The following TNFRSF11A variants were observed in gnomAD, a reference collection of about 807,000 sequenced individuals.
The protein encoded by TNFRSF11A is tumor necrosis factor receptor superfamily member 11A.
A neutral mutation model predicts 55.7 loss-of-function variants in TNFRSF11A; 32 were observed. That is an observed-to-expected ratio of 0.57 (90% CI 0.43 to 0.77). The LOEUF (loss-of-function observed/expected upper bound fraction) is 0.77, where lower values mean the gene tolerates loss of function less well. Ranked by LOEUF, TNFRSF11A falls within the 30% of genes least tolerant of loss-of-function variation. The pLI is 0.00. For missense variants in TNFRSF11A, 753 were observed against 809.8 expected (o/e 0.93, Z 0.85); for synonymous variants, 311 against 331.0 (o/e 0.94, Z 0.65).
intron 1 of TNFRSF11A, among the ~76,000 whole-genome samples, chr18:62,344,148 T>A (rs1159784276): frequency 6.6e-6 from 1 of 152,146 alleles, no homozygotes; most frequent in Admixed American, 6.6e-5. Context: ...GTAACATGGG[T>A]TACCTGTGCA....
At chr18:62,369,619 C>A in intron 9 of TNFRSF11A, 135 bp downstream of exon 9, 1 of 1,143,410 alleles carries the variant, frequency 8.7e-7, no homozygotes, top group Non-Finnish European at 1.3e-6. Context: ...TCTTAATAAG[C>A]ATTTTTACAG....
rs929106493 is a variant in TNFRSF11A, at chr18:62,387,527, G to T, written c.*2493G>T. ...TAATCTTTATGGTATGGTGTCAACC[G>T]TTCATTTGTATCTTATTGCTCATTC... is the stretch of plus-strand genomic sequence containing the variant. On this transcript the variant is annotated 3_prime_UTR_variant, in exon 10 of 10. Coordinates refer to ENST00000586569, the MANE Select transcript of TNFRSF11A (RefSeq NM_003839.4). The T allele has an allele frequency of 1.3e-5, 2 of 152,108 alleles. No homozygotes were observed. Among genetic ancestry groups the T allele is most frequent in the Non-Finnish European group, 2.9e-5 (2 of 68,028 alleles). The allele number at this position is 152,108 out of a possible 1,614,324, so 9.4% of individuals were successfully genotyped here.
intron 7 of TNFRSF11A, among the ~76,000 whole-genome samples, chr18:62,364,480 G>C (rs1909931774): frequency 6.6e-6 from 1 of 152,178 alleles, no homozygotes; most frequent in African/African-American, 2.4e-5. Flanking sequence ...AGGCGCACCA[G>C]TTAGGAAGCT....
rs563076987 is a variant in TNFRSF11A at position 62,355,007 on chromosome 18, C to G, written c.427+473C>G. 1.3e-5 allele frequency among the ~76,000 whole-genome samples: 2 copies of G among 152,256 alleles called. 1 individual carries two copies. The highest frequency in any genetic ancestry group is 4.8e-5 in the African/African-American group (2 of 41,554). ...CTTAGTTACCAGGGAATTATAACTG[C>G]GATAACACTGAAGAAACGAATCCAG... On this transcript the variant is annotated intron_variant, in intron 4 of 9. Transcript: ENST00000586569.
intron 1 of TNFRSF11A, among the ~76,000 whole-genome samples, chr18:62,341,163 T>C (rs950835158): frequency 6.6e-6 from 1 of 152,248 alleles, no homozygotes; most frequent in Non-Finnish European, 1.5e-5. Flanking sequence ...GTAAACTGTG[T>C]CTGCCTTCAC....
At position 62,325,432 on chromosome 18, in the gene TNFRSF11A, G is replaced by A. The variant is rs146553439; in HGVS notation, c.75+5G>A. Reference sequence around the variant, plus strand: ...GCGCTGCTCGCCCGGCTGCAGGTAAGGAGCGCCCGCGCCTGCCGGGCCGCG... The same window carrying A: ...GCGCTGCTCGCCCGGCTGCAGGTAAAGAGCGCCCGCGCCTGCCGGGCCGCG... On this transcript the variant is annotated splice_donor_5th_base_variant and intron_variant, in intron 1 of 9. Transcript: ENST00000586569. This position sits in a 1 kb window ranked among gnomAD's most constrained non-coding sequence, Gnocchi z 4.7. The A allele has an allele frequency of 0.025, 31,631 of 1,261,164 alleles. 451 individuals are homozygous for A. The highest frequency in any genetic ancestry group is 0.05 in the Middle Eastern group (155 of 3,116). 78.1% of individuals were successfully genotyped at this position (1,261,164 alleles called of 1,614,324 possible).
chr18:62,370,177 A>ATAT (rs1393079172), intron 9 of TNFRSF11A, among the ~76,000 whole-genome samples: 1 of 152,172 alleles, frequency 6.6e-6, no homozygotes, highest in Non-Finnish European at 1.5e-5. Context: ...ACCGATTATA[A>ATAT]TATTATAACT....
intron 3 of TNFRSF11A, among the ~76,000 whole-genome samples, chr18:62,352,128 C>T (rs2046483150): frequency 6.6e-6 from 1 of 152,196 alleles, no homozygotes; most frequent in South Asian, 2.1e-4. Flanking sequence ...CTCAGATTGT[C>T]ACATTTCTAT....
intron 2 of TNFRSF11A, 120 bp from the exon 3 acceptor site, chr18:62,349,692 C>A (rs2046436480): frequency 8.6e-7 from 1 of 1,165,638 alleles, no homozygotes; most frequent in Admixed American, 1.8e-5. Flanking sequence ...GTCCTGGGAT[C>A]ATGGGCACCA....
At chr18:62,356,675 C>T (rs541680594) in intron 4 of TNFRSF11A, among the ~76,000 whole-genome samples, 6 of 152,296 alleles carry the variant, frequency 3.9e-5, no homozygotes, top group South Asian at 2.1e-4. Flanking sequence ...CTTAATAGAG[C>T]GGGAAAGGTG....
Position 62,359,946 on chromosome 18 carries a change from C to A in TNFRSF11A, c.522-9C>A. 1 of 1,612,540 alleles carries A rather than the reference C, an allele frequency of 6.2e-7. No individual in the cohort carries two copies. Among genetic ancestry groups the A allele is most frequent in the East Asian group, 2.2e-5 (1 of 44,870 alleles). On this transcript the variant is annotated splice_polypyrimidine_tract_variant and intron_variant, in intron 5 of 9. Coordinates refer to ENST00000586569, the MANE Select transcript of TNFRSF11A (RefSeq NM_003839.4). ...AAACCAAAGCACTGAACCACCTTTT[C>A]CCCCACAGCTGTACCTTCCTTGGAA...
rs1037275381 is a variant in TNFRSF11A at position 62,383,701 on chromosome 18, C to T, written c.1568-1050C>T. Among the ~76,000 whole-genome samples, 2 of 152,040 alleles carry T rather than the reference C, an allele frequency of 1.3e-5. No individual in the cohort carries two copies. The highest frequency in any genetic ancestry group is 6.5e-5 in the Admixed American group (1 of 15,282). On this transcript the variant is annotated intron_variant, in intron 9 of 9. Transcript: ENST00000586569. The surrounding 1 kb of genome is among the most constrained non-coding windows in gnomAD (Gnocchi z 4.2). ...GACTTTGTTTGTTTTTCAAAAGGCC[C>T]GTTGCTGAAAGACTGGCCACATCTA...
chr18:62,349,856 T>A lies in TNFRSF11A; in HGVS notation c.202T>A (p.Cys68Ser). Residue 68 changes from cysteine to serine, a missense_variant, in exon 3 of 10, where the codon TGT becomes AGT. Physicochemically the swap from Cys to Ser is moderately radical, Grantham distance 112 (BLOSUM62 -1). This residue lies in a region of TNFRSF11A where 156 missense variants were observed against 155.1 expected (regional missense o/e 1.01). Transcript: ENST00000586569. ...ATGCACTACTACCTCTGACAGTGTA[T>A]GTCTGCCCTGTGGCCCGGATGAATA... ...SKCTTTSDSV[C>S]LPCGPDEYLD... is the part of the protein sequence containing the mutation. The A allele has an allele frequency of 6.2e-7, 1 of 1,614,160 alleles. No individual in the cohort carries two copies. The highest frequency in any genetic ancestry group is 8.5e-7 in the Non-Finnish European group (1 of 1,179,986).
In TNFRSF11A at chr18:62,361,831, A is replaced by G. The variant is rs754416344; in HGVS notation, c.730+38A>G. On this transcript the variant is annotated intron_variant, in intron 7 of 9. Transcript: ENST00000586569. ...TGGTGGTTTTTGCAAACCAATCTTA[A>G]AAGATAGATTTCTAGGTAAATGCTT... The G allele has an allele frequency of 3.2e-6, 5 of 1,543,148 alleles. No individual in the cohort carries two copies. In the Admixed American group the frequency reaches 8.3e-5, roughly 26 times the overall value.
intron 1 of TNFRSF11A, among the ~76,000 whole-genome samples, chr18:62,343,053 A>C (rs970655803): frequency 6.6e-6 from 1 of 152,172 alleles, no homozygotes; most frequent in African/African-American, 2.4e-5. Flanking sequence ...ACTTTCTTTA[A>C]AGATATTTTT....
chr18:62,349,920 A>G lies in TNFRSF11A; in HGVS notation c.266A>G (p.His89Arg), dbSNP rs1568480073. 8 of 1,614,084 alleles carry G rather than the reference A, an allele frequency of 5.0e-6. No homozygotes were observed. Among genetic ancestry groups the G allele is most frequent in the South Asian group, 1.1e-5 (1 of 91,084 alleles). The change falls in exon 3 of 10, where the codon CAT (histidine) becomes CGT (arginine). Residue 89 changes from histidine (H) to arginine (R), a missense_variant. By Grantham distance (29) the His-to-Arg change is conservative. Transcript: ENST00000586569. ...SWNEEDKCLL[H>R]KVCDTGKALV... ...AATGAAGAAGATAAATGCTTGCTGC[A>G]TAAAGTTTGTGATACAGGTGAGCCC...
rs1911774956 is a variant in TNFRSF11A, at chr18:62,386,913, TATAC to T, written c.*1881_*1884del. 1 of 152,210 alleles carries T rather than the reference TATAC, an allele frequency of 6.6e-6. No individual in the cohort carries two copies. Among genetic ancestry groups the T allele is most frequent in the Non-Finnish European group, 1.5e-5 (1 of 68,040 alleles). The allele number at this position is 152,210 out of a possible 1,614,324, so 9.4% of individuals were successfully genotyped here. A position where few individuals can be genotyped will look rare whatever the true frequency, so the allele number is the denominator to read the frequency against. ...TTTAACATCATCCACAGAGAGATGT[TATAC>T]AAATGGAGGAAACCATTATACCTTT... On this transcript the variant is annotated 3_prime_UTR_variant, in exon 10 of 10. Transcript: ENST00000586569.
At chr18:62,343,035 C>T (rs901047833) in intron 1 of TNFRSF11A, among the ~76,000 whole-genome samples, 1 of 152,110 alleles carries the variant, frequency 6.6e-6, no homozygotes, top group South Asian at 2.1e-4. Flanking sequence ...GGATCAGTTT[C>T]GATAGTGACT....
At chr18:62,329,704 A>T (rs1448779306) in intron 1 of TNFRSF11A, among the ~76,000 whole-genome samples, 1 of 152,162 alleles carries the variant, frequency 6.6e-6, no homozygotes, top group African/African-American at 2.4e-5. Context: ...GAGCAAGATT[A>T]CGCACAGCCC....
Sources: allele counts gnomAD v4.1 joint callset (sites outside exome capture counted in the v4.1 genomes callset), GRCh38; gene constraint gnomAD v4.1.1; regional missense constraint gnomAD v4.1.1; non-coding constraint Gnocchi (gnomAD v3.1); transcripts MANE v1.5; gene names NCBI Gene and HGNC (gene_info 2026-07-23, HGNC 2026-07-21).